NEDD4L: variants seen among roughly 807,000 people sequenced by gnomAD.
NEDD4L encodes the protein NEDD4 like E3 ubiquitin protein ligase, also known as E3 ubiquitin-protein ligase NEDD4-like.
A neutral mutation model predicts 148.9 loss-of-function variants in NEDD4L; 54 were observed. The observed-to-expected ratio is 0.36, with a 90% CI of 0.29 to 0.45. The LOEUF is 0.45. NEDD4L is among the 20% of genes least tolerant of loss of function. The pLI is 1.00. For synonymous variants in NEDD4L, 433 were observed against 440.7 expected (o/e 0.98, Z 0.22); for missense variants, 856 against 1,233.8 (o/e 0.69, Z 4.59).
At chr18:58,274,424 G>A (rs2051552886) in intron 5 of NEDD4L, among the ~76,000 whole-genome samples, 1 of 152,204 alleles carries the variant, frequency 6.6e-6, no homozygotes, top group Admixed American at 6.5e-5. Context: ...GCTTGGCCCA[G>A]TTGTTTTCCC....
intron 1 of NEDD4L, among the ~76,000 whole-genome samples, chr18:58,153,924 G>T (rs2035124177): frequency 6.6e-6 from 1 of 152,186 alleles, no homozygotes; most frequent in Non-Finnish European, 1.5e-5. Context: ...TGGGATTACA[G>T]GCGTGAGTCA....
At chr18:58,087,380 G>A (rs1214793408) in intron 1 of NEDD4L, among the ~76,000 whole-genome samples, 1 of 152,186 alleles carries the variant, frequency 6.6e-6, no homozygotes. Context: ...CTTTTCCAGG[G>A]CTCTTCAGGG....
At chr18:58,195,807 C>A in intron 2 of NEDD4L, 1 of 961,468 alleles carries the variant, frequency 1.0e-6, no homozygotes, top group Non-Finnish European at 1.5e-6. Context: ...GGTTCTCTTA[C>A]CGTGAATCCA....
At chr18:58,318,153 T>C (rs1365564716) in intron 6 of NEDD4L, among the ~76,000 whole-genome samples, 1 of 152,186 alleles carries the variant, frequency 6.6e-6, no homozygotes, top group African/African-American at 2.4e-5. Flanking sequence ...GCGTGTATTT[T>C]GTGGATCGAA....
At chr18:58,084,672 T>TGTGTGG (rs769230304) in intron 1 of NEDD4L, among the ~76,000 whole-genome samples, 22 of 21,544 alleles carry the variant, frequency 1.0e-3, no homozygotes, top group Non-Finnish European at 1.3e-3. Context: ...GTGGGGTTTT[T>TGTGTGG]GTGTGTGTGT....
At chr18:58,211,322 A>G (rs2042581502) in intron 2 of NEDD4L, among the ~76,000 whole-genome samples, 1 of 152,240 alleles carries the variant, frequency 6.6e-6, no homozygotes, top group Non-Finnish European at 1.5e-5. Flanking sequence ...ATCTAAAATC[A>G]ACAGAAACAA....
intron 13 of NEDD4L, chr18:58,340,817 A>G: frequency 2.1e-6 from 1 of 477,590 alleles, no homozygotes; most frequent in East Asian, 4.0e-5. Context: ...CAAGTTCTGT[A>G]AGAATTTGGA....
At chr18:58,182,007 T>C (rs1421943611) in intron 2 of NEDD4L, among the ~76,000 whole-genome samples, 3 of 152,180 alleles carry the variant, frequency 2.0e-5, no homozygotes, top group African/African-American at 7.2e-5. Context: ...GACTGATGAT[T>C]GTGACCCTCA....
intron 2 of NEDD4L, among the ~76,000 whole-genome samples, chr18:58,170,044 A>G (rs1480968288): frequency 1.3e-5 from 2 of 152,182 alleles, no homozygotes; most frequent in African/African-American, 4.8e-5. Flanking sequence ...AGCACCTAAC[A>G]GGTCCTCAGG....
intron 5 of NEDD4L, among the ~76,000 whole-genome samples, chr18:58,303,998 A>C (rs929147553): frequency 5.9e-5 from 9 of 152,112 alleles, no homozygotes; most frequent in African/African-American, 1.9e-4. Context: ...ATTGGACAGT[A>C]GTCCTCAACT....
chr18:58,087,108 G>T (rs1028737974), intron 1 of NEDD4L, among the ~76,000 whole-genome samples: 3 of 152,202 alleles, frequency 2.0e-5, no homozygotes, highest in African/African-American at 7.2e-5. Context: ...TGCCAGAATT[G>T]TTCTCTGAGC....
chr18:58,312,593 C>G (rs959905302), intron 5 of NEDD4L, among the ~76,000 whole-genome samples: 3 of 152,194 alleles, frequency 2.0e-5, no homozygotes, highest in Non-Finnish European at 2.9e-5. Flanking sequence ...TTCAACATGC[C>G]TGCTCCTCCC....
chr18:58,279,677 A>G (rs1600633065), intron 5 of NEDD4L, among the ~76,000 whole-genome samples: 1 of 152,214 alleles, frequency 6.6e-6, no homozygotes, highest in East Asian at 1.9e-4. Flanking sequence ...GGGACTTTGC[A>G]TTGATCAACT....
intron 1 of NEDD4L, among the ~76,000 whole-genome samples, chr18:58,056,985 T>C (rs979796996): frequency 1.3e-5 from 2 of 151,646 alleles, no homozygotes; most frequent in Admixed American, 1.3e-4. Flanking sequence ...CTGTTGTGTC[T>C]CAGGGCCCAC....
intron 1 of NEDD4L, among the ~76,000 whole-genome samples, chr18:58,053,057 C>G (rs1019445000): frequency 6.6e-6 from 1 of 152,160 alleles, no homozygotes; most frequent in Non-Finnish European, 1.5e-5. Flanking sequence ...ATGAACAAAC[C>G]AAGGGAACTG....
intron 5 of NEDD4L, among the ~76,000 whole-genome samples, chr18:58,291,145 C>G (rs1016516364): frequency 1.3e-5 from 2 of 149,330 alleles, no homozygotes; most frequent in African/African-American, 4.9e-5. Context: ...GAGAACCAGG[C>G]CGACCAGCCC....
intron 1 of NEDD4L, among the ~76,000 whole-genome samples, chr18:58,103,490 A>T (rs1482156755): frequency 6.6e-6 from 1 of 152,088 alleles, no homozygotes; most frequent in African/African-American, 2.4e-5. Context: ...TAAATAACAG[A>T]TGCATGTCAG....
intron 2 of NEDD4L, among the ~76,000 whole-genome samples, chr18:58,168,912 C>A (rs935598044): frequency 6.6e-6 from 1 of 152,058 alleles, no homozygotes; most frequent in Non-Finnish European, 1.5e-5. Flanking sequence ...GGGAAGGGGT[C>A]GGTGGTTGCG....
At chr18:58,211,656 G>T (rs943282873) in intron 2 of NEDD4L, among the ~76,000 whole-genome samples, 1 of 152,136 alleles carries the variant, frequency 6.6e-6, no homozygotes, top group Non-Finnish European at 1.5e-5. Context: ...GAATAAATAC[G>T]TACTACCTGA....
Sources: gnomAD v4.1 joint callset for allele counts (sites outside exome capture counted in the v4.1 genomes callset) on GRCh38, gnomAD v4.1.1 for gene constraint, MANE v1.5 for transcripts, NCBI Gene and HGNC (gene_info 2026-07-23, HGNC 2026-07-21) for gene names.